BIVM: variants seen among roughly 807,000 people sequenced by gnomAD.
The protein encoded by BIVM is basic, immunoglobulin-like variable motif containing, also known as basic immunoglobulin-like variable motif-containing protein.
In BIVM, 31 loss-of-function variants were observed where a neutral mutation model predicts 61.4. The observed-to-expected ratio is 0.51, with a 90% CI of 0.38 to 0.68. The LOEUF (loss-of-function observed/expected upper bound fraction) is 0.68. Ranked by LOEUF, BIVM falls within the 30% of genes least tolerant of loss-of-function variation. BIVM has a pLI of 0.00. For synonymous variants in BIVM, 189 were observed against 210.7 expected (o/e 0.90, Z 0.89); for missense variants, 526 against 596.0 (o/e 0.88, Z 1.22).
At chr13:102,813,894 C>G (rs964431772) in intron 3 of BIVM, among the ~76,000 whole-genome samples, 9 of 152,068 alleles carry the variant, frequency 5.9e-5, no homozygotes, top group African/African-American at 2.2e-4. Flanking sequence ...AATTTGGGCC[C>G]CCTCTTCTCT....
chr13:102,814,969 C>T (rs905206797), intron 3 of BIVM, among the ~76,000 whole-genome samples: 29 of 151,984 alleles, frequency 1.9e-4, no homozygotes, highest in Admixed American at 1.3e-4. Flanking sequence ...GCTTGAGCCC[C>T]GGAGGCAGAG....
At chr13:102,838,069 T>C (rs765019331) in intron 9 of BIVM, among the ~76,000 whole-genome samples, 1 of 152,222 alleles carries the variant, frequency 6.6e-6, no homozygotes, top group South Asian at 2.1e-4. Context: ...AAAAAAGATA[T>C]TGCAATAAAA....
At chr13:102,815,778 T>C (rs528375149) in intron 3 of BIVM, among the ~76,000 whole-genome samples, 13 of 152,236 alleles carry the variant, frequency 8.5e-5, no homozygotes, top group Non-Finnish European at 1.6e-4. Context: ...CATGTATGAG[T>C]GTGTGTGCAC....
At chr13:102,800,290 CAT>C (rs910286334) in intron 1 of BIVM, 11 of 152,244 alleles carry the variant, frequency 7.2e-5, no homozygotes, top group African/African-American at 2.7e-4. Flanking sequence ...CCGGGGCAAG[CAT>C]GTTCGAGGCG....
chr13:102,811,802 C>T (rs529476920), intron 3 of BIVM, among the ~76,000 whole-genome samples: 7 of 152,358 alleles, frequency 4.6e-5, no homozygotes, highest in East Asian at 3.9e-4. Flanking sequence ...GGATTACAGG[C>T]GTGAGCCACC....
At chr13:102,826,511 G>A (rs771322277) in intron 7 of BIVM, among the ~76,000 whole-genome samples, 11 of 152,104 alleles carry the variant, frequency 7.2e-5, no homozygotes, top group Non-Finnish European at 1.6e-4. Flanking sequence ...TGATTCATAG[G>A]GTGGCTTTAT....
At chr13:102,809,787 C>CT (rs71292825) in intron 3 of BIVM, among the ~76,000 whole-genome samples, 7,211 of 127,256 alleles carry the variant, frequency 0.057, 587 homozygotes, top group African/African-American at 0.18. Flanking sequence ...TCTTTTCTTT[C>CT]TTTTTTTTTT....
chr13:102,832,907 C>T (rs1881191602), intron 8 of BIVM, among the ~76,000 whole-genome samples: 1 of 152,108 alleles, frequency 6.6e-6, no homozygotes, highest in Non-Finnish European at 1.5e-5. Context: ...CCTGTTTAGC[C>T]ACTTTTCCTT....
In BIVM at chr13:102,840,052, A is replaced by G; in HGVS notation, c.*187A>G. On this transcript the variant is annotated 3_prime_UTR_variant, in exon 11 of 11. Coordinates refer to ENST00000257336, the MANE Select transcript of BIVM (RefSeq NM_017693.4). ...TATGGTGGGTGATTTCAGATATATA[A>G]GCAGATAAGCACAGATTATTGTCCT... The G allele has an allele frequency of 1.7e-6, 1 of 581,286 alleles. No homozygotes were observed. Among genetic ancestry groups the G allele is most frequent in the Non-Finnish European group, 2.9e-6 (1 of 345,358 alleles). 36.0% of individuals were successfully genotyped at this position (581,286 alleles called of 1,614,324 possible). A position where few individuals can be genotyped will look rare whatever the true frequency, so the allele number is the denominator to read the frequency against.
chr13:102,802,657 A>G (rs1878813879), intron 1 of BIVM, among the ~76,000 whole-genome samples: 2 of 152,156 alleles, frequency 1.3e-5, no homozygotes, highest in Non-Finnish European at 1.5e-5. Flanking sequence ...ACTTCGACCA[A>G]ATAAATCATC....
chr13:102,834,668 AC>A (rs1881341034), intron 9 of BIVM, 116 bp downstream of exon 9: 1 of 917,050 alleles, frequency 1.1e-6, no homozygotes, highest in Non-Finnish European at 1.5e-6. Context: ...TATAATCACC[AC>A]CCAAACAGGA....
At chr13:102,822,940 G>A (rs1371698185) in intron 7 of BIVM, among the ~76,000 whole-genome samples, 2 of 152,142 alleles carry the variant, frequency 1.3e-5, no homozygotes, top group African/African-American at 2.4e-5. Flanking sequence ...TATAGCCAAG[G>A]GACACAGCGA....
chr13:102,823,221 A>G (rs1182895421), intron 7 of BIVM, among the ~76,000 whole-genome samples: 3 of 152,250 alleles, frequency 2.0e-5, no homozygotes, highest in East Asian at 1.9e-4. Context: ...ATTGTTATCA[A>G]TAGAGGGTAT....
intron 9 of BIVM, among the ~76,000 whole-genome samples, chr13:102,837,688 G>C (rs1270679499): frequency 6.6e-6 from 1 of 152,194 alleles, no homozygotes; most frequent in East Asian, 1.9e-4. Context: ...AGAAAATGTG[G>C]TATGTATATT....
rs757608885 is a variant in BIVM, at chr13:102,831,611, G to T, written c.948G>T (p.Ser316=). The change falls in exon 8 of 11, where the codon TCG becomes TCT. Residue 316 remains serine (S), a synonymous_variant. Transcript: ENST00000257336. ...SKLTRGLKDE[S]LAYIYHCQNH... ...TAACCCGTGGATTGAAAGATGAATCGCTGGCTTATATCTATCATTGCCAAA... is the reference window on the plus strand; with the variant it reads ...TAACCCGTGGATTGAAAGATGAATCTCTGGCTTATATCTATCATTGCCAAA... 1.2e-6 allele frequency: 2 copies of T among 1,613,968 alleles called. No individual in the cohort carries two copies. Among genetic ancestry groups the T allele is most frequent in the South Asian group, 1.1e-5 (1 of 91,070 alleles).
chr13:102,814,126 G>T (rs1006055950), intron 3 of BIVM, among the ~76,000 whole-genome samples: 1 of 152,068 alleles, frequency 6.6e-6, no homozygotes, highest in African/African-American at 2.4e-5. Flanking sequence ...TGGTGTTGAG[G>T]CTGTGTGTGT....
At chr13:102,825,136 G>T (rs1029289451) in intron 7 of BIVM, among the ~76,000 whole-genome samples, 3 of 151,920 alleles carry the variant, frequency 2.0e-5, no homozygotes, top group Non-Finnish European at 4.4e-5. Context: ...TAGTAGAGAT[G>T]GGGTTTCACC....
In BIVM at chr13:102,839,565, T is replaced by A; in HGVS notation, c.1219-7T>A. ...ATTTTCTTCAGCCAACATTTTTTTC[T>A]TCTCAGGTTGGGGGAAATTTGCATT... is the stretch of plus-strand genomic sequence containing the variant. On this transcript the variant is annotated splice_polypyrimidine_tract_variant and splice_region_variant and intron_variant, in intron 10 of 10. Coordinates refer to ENST00000257336, the MANE Select transcript of BIVM (RefSeq NM_017693.4). The A allele has an allele frequency of 6.2e-7, 1 of 1,610,866 alleles. No individual in the cohort carries two copies.
chr13:102,837,384 A>G (rs1448418899), intron 9 of BIVM, among the ~76,000 whole-genome samples: 1 of 152,164 alleles, frequency 6.6e-6, no homozygotes, highest in Non-Finnish European at 1.5e-5. Context: ...TTTTAAAAAA[A>G]TTTTTTCAGT....
Sources: gnomAD v4.1 joint callset for allele counts (sites outside exome capture counted in the v4.1 genomes callset) on GRCh38, gnomAD v4.1.1 for gene constraint, MANE v1.5 for transcripts, NCBI Gene and HGNC (gene_info 2026-07-23, HGNC 2026-07-21) for gene names.